The following SHOC1 variants were observed in gnomAD, a reference collection of about 807,000 sequenced individuals.
SHOC1 encodes the protein protein shortage in chiasmata 1 ortholog.
SHOC1 carries 136 observed loss-of-function variants against 179.2 expected under a neutral mutation model. The ratio of observed to expected loss-of-function variants is 0.76; its 90% confidence interval spans 0.66 to 0.87. The LOEUF is 0.87. SHOC1 is among the 40% of genes least tolerant of loss of function. SHOC1 has a pLI of 0.00. For synonymous variants in SHOC1, 489 were observed against 586.6 expected, an observed-to-expected ratio of 0.83 and a Z score of 2.41; for missense variants, 1,538 against 1,700.8, an observed-to-expected ratio of 0.90 and a Z score of 1.68.
chr9:111,702,511 C>G (rs972393635), intron 22 of SHOC1, among the ~76,000 whole-genome samples: 2 of 152,210 alleles, frequency 1.3e-5, no homozygotes, highest in African/African-American at 4.8e-5. Flanking sequence ...TTTGGCACGC[C>G]ATAGGCTAGT....
At chr9:111,771,148 T>C (rs1269427645) in intron 5 of SHOC1, among the ~76,000 whole-genome samples, 1 of 152,152 alleles carries the variant, frequency 6.6e-6, no homozygotes, top group Non-Finnish European at 1.5e-5. Flanking sequence ...AATTTGTTGT[T>C]TTTTATTTTT....
chr9:111,721,580 T>C (rs549407911), intron 15 of SHOC1, among the ~76,000 whole-genome samples: 101 of 152,302 alleles, frequency 6.6e-4, no homozygotes, highest in Non-Finnish European at 1.1e-3. Context: ...CCTCAGATGA[T>C]CCACCCGCCT....
In SHOC1 at chr9:111,741,478, G is replaced by C; in HGVS notation, c.1172C>G (p.Thr391Arg). Residue 391 changes from threonine (T) to arginine (R), a missense_variant and splice_region_variant, in exon 11 of 28, where the codon ACA (threonine) becomes AGA (arginine). By Grantham distance (71) the Thr-to-Arg change is moderately conservative. Transcript: ENST00000682961. Reference sequence around the variant, plus strand: ...ACTTAAAGGCAATTAATCTTTACCTGTAAGCAAAAATGGGTTCAAAGGGCT... The same window carrying C: ...ACTTAAAGGCAATTAATCTTTACCTCTAAGCAAAAATGGGTTCAAAGGGCT... ...CRSPLNPFLL[T>R]VPRIQEPHSQ... is the part of the protein sequence containing the mutation. 1 of 1,590,746 alleles carries C rather than the reference G, an allele frequency of 6.3e-7. No individual in the cohort carries two copies. The highest frequency in any genetic ancestry group is 8.6e-7 in the Non-Finnish European group (1 of 1,160,750).
intron 8 of SHOC1, among the ~76,000 whole-genome samples, chr9:111,751,540 C>G (rs1181273873): frequency 6.6e-6 from 1 of 152,024 alleles, no homozygotes; most frequent in African/African-American, 2.4e-5. Flanking sequence ...TTAAAAAAGG[C>G]TACGTCTCAG....
chr9:111,758,099 T>C lies in SHOC1; in HGVS notation c.693A>G (p.Thr231=), dbSNP rs762032939. 2 of 1,525,488 alleles carry C rather than the reference T, an allele frequency of 1.3e-6. No individual in the cohort carries two copies. Among genetic ancestry groups the C allele is most frequent in the African/African-American group, 2.8e-5 (2 of 72,474 alleles). 94.5% of individuals were successfully genotyped at this position (1,525,488 alleles called of 1,614,324 possible). A position where few individuals can be genotyped will look rare whatever the true frequency, so the allele number is the denominator to read the frequency against. ...GTATTACAACCTCATTTAAACATAT[T>C]GTATCTTCTAGTTTCTCTTGACAAA... ...VNFCQEKLED[T]ICLNEPSSFL... is the part of the protein sequence containing the mutation. Residue 231 remains threonine, a synonymous_variant, in exon 7 of 28, where the codon ACA becomes ACG. Coordinates refer to ENST00000682961, the MANE Select transcript of SHOC1 (RefSeq NM_001378211.1).
At chr9:111,720,472 T>C (rs1832983940) in intron 15 of SHOC1, among the ~76,000 whole-genome samples, 1 of 152,198 alleles carries the variant, frequency 6.6e-6, no homozygotes, top group South Asian at 2.1e-4. Flanking sequence ...ATTGAGATTT[T>C]TGCATCTGTG....
At chr9:111,784,958 C>G (rs1836209118) in intron 3 of SHOC1, among the ~76,000 whole-genome samples, 1 of 152,146 alleles carries the variant, frequency 6.6e-6, no homozygotes, top group African/African-American at 2.4e-5. Context: ...CACAAACATT[C>G]AGTCTATTGC....
intron 23 of SHOC1, 136 bp downstream of exon 23, chr9:111,701,969 C>T: frequency 1.7e-6 from 1 of 586,412 alleles, no homozygotes. Flanking sequence ...TGTGATCATA[C>T]CTCCAGCTTG....
chr9:111,741,922 G>A (rs747851230), intron 10 of SHOC1, among the ~76,000 whole-genome samples: 13 of 152,088 alleles, frequency 8.5e-5, no homozygotes, highest in South Asian at 2.1e-4. Flanking sequence ...GTGAGCCACC[G>A]CGCCTGGCCC....
rs746023441 is a variant in SHOC1, at chr9:111,692,472, A to T, written c.3505T>A (p.Ser1169Thr). The change falls in exon 27 of 28, where the codon TCT becomes ACT. Residue 1169 changes from serine to threonine, a missense_variant. Transcript: ENST00000682961. Reference protein sequence around the residue: ...SITSLFKIGSSSITKSPQISS... With the variant: ...SITSLFKIGSTSITKSPQISS... ...ATTTGCGGTGATTTTGTTATGGAAG[A>T]AGAACCAATCTTGAATAGGGAAGTG... is the stretch of plus-strand genomic sequence containing the variant. 1.2e-6 allele frequency: 2 copies of T among 1,601,170 alleles called. No individual in the cohort carries two copies. Among genetic ancestry groups the T allele is most frequent in the Admixed American group, 3.4e-5 (2 of 58,600 alleles).
intron 24 of SHOC1, among the ~76,000 whole-genome samples, chr9:111,698,716 C>T (rs76264327): frequency 1.1e-4 from 16 of 152,046 alleles, no homozygotes; most frequent in Non-Finnish European, 2.2e-4. Context: ...GTAAGAGAAT[C>T]GGGGAATAGT....
intron 10 of SHOC1, among the ~76,000 whole-genome samples, chr9:111,745,447 A>G (rs1479932731): frequency 6.6e-6 from 1 of 152,166 alleles, no homozygotes; most frequent in African/African-American, 2.4e-5. Context: ...TCTTATGTTG[A>G]AGACCTAATC....
intron 27 of SHOC1, among the ~76,000 whole-genome samples, chr9:111,689,239 A>G (rs1292113105): frequency 6.6e-6 from 1 of 151,528 alleles, no homozygotes; most frequent in Non-Finnish European, 1.5e-5. Context: ...TACAAAAATT[A>G]GCTGGGTGTG....
At chr9:111,792,568 C>T (rs1201288099) in intron 1 of SHOC1, among the ~76,000 whole-genome samples, 1 of 152,122 alleles carries the variant, frequency 6.6e-6, no homozygotes, top group Admixed American at 6.5e-5. Flanking sequence ...CACCACTGCA[C>T]TCCAAACTGG....
chr9:111,687,868 T>C (rs1217096511), intron 27 of SHOC1, among the ~76,000 whole-genome samples: 1 of 152,198 alleles, frequency 6.6e-6, no homozygotes, highest in Non-Finnish European at 1.5e-5. Context: ...GGGGATATCA[T>C]TTTCACTAAG....
In SHOC1 at chr9:111,748,625, T is replaced by A. The variant is rs147890483; in HGVS notation, c.863-426A>T. 2.1e-3 allele frequency among the ~76,000 whole-genome samples: 320 copies of A among 152,326 alleles called. 1 individual carries two copies. Among genetic ancestry groups the A allele is most frequent in the African/African-American group, 6.8e-3 (282 of 41,588 alleles). ...AATACTGCCACTTTGGCTTTCTTTT[T>A]TCTTTCTTTTATCTCCCTTCTTCCC... On this transcript the variant is annotated intron_variant, in intron 8 of 27. Transcript: ENST00000682961.
At chr9:111,782,891 A>G (rs189377286) in intron 3 of SHOC1, among the ~76,000 whole-genome samples, 1 of 152,302 alleles carries the variant, frequency 6.6e-6, no homozygotes. Flanking sequence ...CTCATTTTCC[A>G]CCACCAATTC....
At chr9:111,747,454 T>C (rs1332833949) in intron 9 of SHOC1, among the ~76,000 whole-genome samples, 1 of 152,242 alleles carries the variant, frequency 6.6e-6, no homozygotes, top group Non-Finnish European at 1.5e-5. Context: ...AGATTGCTAA[T>C]ATTGAGATGA....
Position 111,756,267 on chromosome 9 carries a change from T to G in SHOC1, c.862+58A>C, listed in dbSNP as rs747119178. On this transcript the variant is annotated intron_variant, in intron 8 of 27. Transcript: ENST00000682961. ...AAAAATTTTAATAAACAAGAACCTA[T>G]GTAACAAACATTCTTAAGTGGTTTT... 42 of 1,404,374 alleles carry G rather than the reference T, an allele frequency of 3.0e-5. No individual in the cohort carries two copies. In the Middle Eastern group the frequency reaches 6.1e-4, roughly 20 times the overall value. The allele number at this position is 1,404,374 out of a possible 1,614,324, so 87.0% of individuals were successfully genotyped here.
Sources: gnomAD v4.1 joint callset for allele counts (sites outside exome capture counted in the v4.1 genomes callset) on GRCh38, gnomAD v4.1.1 for gene constraint, MANE v1.5 for transcripts, NCBI Gene and HGNC (gene_info 2026-07-23, HGNC 2026-07-21) for gene names.